FARP1: variants seen among roughly 807,000 people sequenced by gnomAD.
The protein encoded by FARP1 is FERM, ARH/RhoGEF and pleckstrin domain protein 1.
Under a neutral mutation model 128.8 loss-of-function variants are expected in FARP1, and 52 were observed. The ratio of observed to expected loss-of-function variants is 0.40; its 90% confidence interval spans 0.32 to 0.51. The LOEUF (loss-of-function observed/expected upper bound fraction) is 0.51. Among genes scored for constraint, FARP1 ranks in the 20% least tolerant of loss-of-function variants. FARP1 has a pLI of 0.45. For synonymous variants in FARP1, 580 were observed against 551.8 expected, an observed-to-expected ratio of 1.05 and a Z score of -0.72; for missense variants, 1,333 against 1,367.9, an observed-to-expected ratio of 0.97 and a Z score of 0.40.
At chr13:98,262,378 T>C (rs1024181335) in intron 2 of FARP1, among the ~76,000 whole-genome samples, 3 of 152,038 alleles carry the variant, frequency 2.0e-5, no homozygotes, top group Non-Finnish European at 2.9e-5. Context: ...AGACATGTAA[T>C]GTACAACACC....
Position 98,453,238 on chromosome 13 carries a change from A to C in FARP1, c.*4921A>C, listed in dbSNP as rs752631925. On this transcript the variant is annotated 3_prime_UTR_variant, in exon 27 of 27. Coordinates refer to ENST00000319562, the MANE Select transcript of FARP1 (RefSeq NM_005766.4). The stretch of plus-strand genomic sequence containing the variant: ...GGGAAAAAGAGAGAGAGAGAAGTCA[A>C]CACATGTCATTTCTCATCCCTGTGC... The C allele has an allele frequency of 3.7e-6, 6 of 1,608,980 alleles. 1 individual carries two copies. The highest frequency in any genetic ancestry group is 5.1e-6 in the Non-Finnish European group (6 of 1,177,776).
rs1240000716 is a variant in FARP1, at chr13:98,438,387, G to T, written c.2275-417G>T. 5.3e-5 allele frequency among the ~76,000 whole-genome samples: 8 copies of T among 152,146 alleles called. No individual in the cohort carries two copies. The South Asian group carries it at 1.7e-3, about 32-fold the overall frequency. ...TTTGAGAACTGCTTGGGGTCCTTCT[G>T]ATCTCCCTCACCGTGGGGAGCCCTG... On this transcript the variant is annotated intron_variant, in intron 19 of 26. Transcript: ENST00000319562.
At chr13:98,283,513 G>A (rs1020636451) in intron 2 of FARP1, among the ~76,000 whole-genome samples, 1 of 152,186 alleles carries the variant, frequency 6.6e-6, no homozygotes, top group South Asian at 2.1e-4. Flanking sequence ...CAGAATCCAA[G>A]TGTTGGGTGT....
chr13:98,434,333 G>C (rs549989404), intron 18 of FARP1: 2 of 152,216 alleles, frequency 1.3e-5, no homozygotes, highest in African/African-American at 4.8e-5. Context: ...GGGTGGTCAT[G>C]TCTGAAAATC....
At chr13:98,312,374 T>C (rs1886512586) in intron 2 of FARP1, among the ~76,000 whole-genome samples, 1 of 151,938 alleles carries the variant, frequency 6.6e-6, no homozygotes, top group Non-Finnish European at 1.5e-5. Context: ...CTCCTGACCT[T>C]GTGATCTGCC....
intron 17 of FARP1, among the ~76,000 whole-genome samples, chr13:98,430,112 G>A (rs753747164): frequency 2.0e-5 from 3 of 151,888 alleles, no homozygotes; most frequent in Non-Finnish European, 2.9e-5. Flanking sequence ...AAATTAGCTG[G>A]GTGTGGTGGC....
chr13:98,148,069 A>G (rs1875702483), intron 1 of FARP1, among the ~76,000 whole-genome samples: 1 of 95,340 alleles, frequency 1.0e-5, no homozygotes, highest in African/African-American at 3.2e-5. Context: ...TTGTAAAAAG[A>G]CAGAGGTTCC....
Position 98,176,426 on chromosome 13 carries a change from A to C in FARP1, c.-24+32934A>C, listed in dbSNP as rs1878035250. On this transcript the variant is annotated intron_variant, in intron 1 of 26. Transcript: ENST00000319562. The surrounding 1 kb of genome is among the most constrained non-coding windows in gnomAD (Gnocchi z 6.2). ...CAGCTCTCGCAGAAATAATGCCTGCACTTGGTGACGACTGGGTTTTGGAAG... is the reference window on the plus strand; with the variant it reads ...CAGCTCTCGCAGAAATAATGCCTGCCCTTGGTGACGACTGGGTTTTGGAAG... 1 of 1,614,208 alleles carries C rather than the reference A, an allele frequency of 6.2e-7. No individual in the cohort carries two copies. Among genetic ancestry groups the C allele is most frequent in the Non-Finnish European group, 8.5e-7 (1 of 1,180,048 alleles).
At chr13:98,187,883 C>G (rs1878981344) in intron 1 of FARP1, among the ~76,000 whole-genome samples, 1 of 152,234 alleles carries the variant, frequency 6.6e-6, no homozygotes, top group Non-Finnish European at 1.5e-5. Context: ...GCAAAGCATG[C>G]TGTTCAGTAT....
chr13:98,363,704 G>A (rs1013831622), intron 3 of FARP1, among the ~76,000 whole-genome samples: 5 of 152,118 alleles, frequency 3.3e-5, no homozygotes, highest in African/African-American at 9.7e-5. Flanking sequence ...CTCAATAAAG[G>A]TCTAGGCTCT....
intron 3 of FARP1, among the ~76,000 whole-genome samples, chr13:98,360,114 T>TG (rs1282795024): frequency 8.1e-6 from 1 of 123,726 alleles, no homozygotes; most frequent in East Asian, 2.1e-4. Context: ...TTTTTTTTTT[T>TG]GAGATGGAGT....
chr13:98,399,412 G>C (rs534908907), intron 13 of FARP1: 1 of 152,342 alleles, frequency 6.6e-6, no homozygotes, highest in Non-Finnish European at 1.5e-5. Flanking sequence ...TTCTGACTTT[G>C]GGGAGACTCC....
At chr13:98,345,542 C>T (rs1888143941) in intron 3 of FARP1, 1 of 152,244 alleles carries the variant, frequency 6.6e-6, no homozygotes, top group Admixed American at 6.5e-5. Flanking sequence ...TATGATTTCA[C>T]TCCATTCTTA....
chr13:98,365,002 C>G (rs1889024836), intron 3 of FARP1, among the ~76,000 whole-genome samples: 1 of 152,174 alleles, frequency 6.6e-6, no homozygotes, highest in Admixed American at 6.5e-5. Flanking sequence ...ATGTGCTGTT[C>G]TAGACACTCA....
chr13:98,267,067 T>C (rs1884154953), intron 2 of FARP1, among the ~76,000 whole-genome samples: 1 of 151,198 alleles, frequency 6.6e-6, no homozygotes, highest in South Asian at 2.1e-4. Flanking sequence ...AAAGGGGTTA[T>C]TATTTCACCT....
intron 2 of FARP1, among the ~76,000 whole-genome samples, chr13:98,272,590 T>A (rs1884442626): frequency 6.6e-6 from 1 of 152,140 alleles, no homozygotes; most frequent in Admixed American, 6.5e-5. Flanking sequence ...TGTCACTTGT[T>A]TGGTTGCAGT....
At chr13:98,142,940 G>A (rs1318092318), upstream of FARP1, among the ~76,000 whole-genome samples, 2 of 150,612 alleles carry the variant, frequency 1.3e-5, no homozygotes, top group East Asian at 3.9e-4. Flanking sequence ...GCACCTGCCC[G>A]GGCGGAGCGG....
At chr13:98,213,644 C>G (rs1416540894) in intron 2 of FARP1, among the ~76,000 whole-genome samples, 1 of 152,222 alleles carries the variant, frequency 6.6e-6, no homozygotes, top group South Asian at 2.1e-4. Context: ...GGCCTCGGCA[C>G]TTGAATTTTA....
At chr13:98,183,580 G>A (rs184544372) in intron 1 of FARP1, among the ~76,000 whole-genome samples, 1 of 152,226 alleles carries the variant, frequency 6.6e-6, no homozygotes, top group African/African-American at 2.4e-5. Flanking sequence ...TCTGAACAGC[G>A]GGCACTGCAT....
Sources: gnomAD v4.1 joint callset for allele counts (sites outside exome capture counted in the v4.1 genomes callset) on GRCh38, gnomAD v4.1.1 for gene constraint, Gnocchi (gnomAD v3.1) non-coding constraint, MANE v1.5 for transcripts, NCBI Gene and HGNC (gene_info 2026-07-23, HGNC 2026-07-21) for gene names.